ADCY10: variants seen among roughly 807,000 people sequenced by gnomAD.
ADCY10 encodes adenylate cyclase 10.
A neutral mutation model predicts 183.3 loss-of-function variants in ADCY10; 156 were observed. The ratio of observed to expected loss-of-function variants is 0.85; its 90% CI spans 0.75 to 0.97. The LOEUF (loss-of-function observed/expected upper bound fraction) is 0.97. Among genes scored for constraint, ADCY10 ranks in the 50% least tolerant of loss-of-function variants. ADCY10 has a pLI of 0.00. For synonymous variants in ADCY10, 645 were observed against 670.0 expected, an observed-to-expected ratio of 0.96 and a Z score of 0.58; for missense variants, 1,745 against 1,934.3, an observed-to-expected ratio of 0.90 and a Z score of 1.84.
intron 15 of ADCY10, 26 bp from the exon 16 acceptor site, chr1:167,859,919 G>C: frequency 1.3e-6 from 2 of 1,542,750 alleles, no homozygotes; most frequent in Admixed American, 1.7e-5. Context: ...TGAGAATATT[G>C]AGTATGGGAA....
intron 3 of ADCY10, among the ~76,000 whole-genome samples, chr1:167,902,796 C>G (rs2102428687): frequency 6.6e-6 from 1 of 152,340 alleles, no homozygotes; most frequent in East Asian, 1.9e-4. Flanking sequence ...AACAAGATGG[C>G]AGGCAGAGGT....
At chr1:167,911,551 T>C (rs1020018852) in intron 1 of ADCY10, among the ~76,000 whole-genome samples, 1 of 152,222 alleles carries the variant, frequency 6.6e-6, no homozygotes, top group Non-Finnish European at 1.5e-5. Flanking sequence ...AAGTTCTAAG[T>C]TGCTAGCCGA....
intron 14 of ADCY10, among the ~76,000 whole-genome samples, chr1:167,865,925 ACT>A (rs993955921): frequency 6.6e-6 from 1 of 151,318 alleles, no homozygotes; most frequent in African/African-American, 2.4e-5. Flanking sequence ...GTCATGCCAA[ACT>A]CTCTCTGCTA....
At chr1:167,896,794 T>A (rs1417297331) in intron 6 of ADCY10, 103 bp from the exon 7 acceptor site, 4 of 798,650 alleles carry the variant, frequency 5.0e-6, no homozygotes, top group Non-Finnish European at 8.8e-6. Flanking sequence ...GACTGAACAG[T>A]GATTGGCACA....
At chr1:167,865,675 C>G (rs1666624808) in intron 14 of ADCY10, among the ~76,000 whole-genome samples, 1 of 152,176 alleles carries the variant, frequency 6.6e-6, no homozygotes, top group African/African-American at 2.4e-5. Flanking sequence ...ACTAGAGGAT[C>G]ATAGAAGTTA....
chr1:167,828,980 T>A (rs1296766827), intron 26 of ADCY10, among the ~76,000 whole-genome samples: 1 of 151,994 alleles, frequency 6.6e-6, no homozygotes, highest in Non-Finnish European at 1.5e-5. Context: ...CCAGCAAAAA[T>A]AATAATAATA....
chr1:167,907,333 T>C (rs1326554828), intron 1 of ADCY10, among the ~76,000 whole-genome samples: 1 of 152,236 alleles, frequency 6.6e-6, no homozygotes, highest in Non-Finnish European at 1.5e-5. Flanking sequence ...GAAATCTCAA[T>C]GGCTTGAAAT....
chr1:167,884,971 C>T (rs957711652), intron 8 of ADCY10, among the ~76,000 whole-genome samples: 1 of 152,180 alleles, frequency 6.6e-6, no homozygotes, highest in African/African-American at 2.4e-5. Context: ...GCTGGGATTA[C>T]AGGCATGAGC....
At chr1:167,827,604 G>A (rs1663403815) in intron 26 of ADCY10, among the ~76,000 whole-genome samples, 2 of 152,120 alleles carry the variant, frequency 1.3e-5, no homozygotes, top group South Asian at 4.2e-4. Flanking sequence ...ACCTAGACTA[G>A]TGGTTCTCCC....
chr1:167,832,951 A>AC, intron 25 of ADCY10, 36 bp downstream of exon 25: 1 of 1,606,692 alleles, frequency 6.2e-7, no homozygotes, highest in Non-Finnish European at 8.5e-7. Flanking sequence ...GGGGAGTGAG[A>AC]CTAAACAGTC....
chr1:167,878,335 G>A (rs1174516414), intron 12 of ADCY10, 111 bp downstream of exon 12: 1 of 1,251,368 alleles, frequency 8.0e-7, no homozygotes, highest in Non-Finnish European at 1.2e-6. Flanking sequence ...GGAAAGCATA[G>A]ATTTCAACTT....
chr1:167,866,509 G>A (rs1405374950), intron 14 of ADCY10, among the ~76,000 whole-genome samples: 4 of 124,218 alleles, frequency 3.2e-5, no homozygotes, highest in Admixed American at 1.0e-4. Flanking sequence ...CTGACCTGAC[G>A]AAAGTGCACA....
At chr1:167,908,102 C>T (rs1395106319) in intron 1 of ADCY10, among the ~76,000 whole-genome samples, 1 of 152,208 alleles carries the variant, frequency 6.6e-6, no homozygotes, top group African/African-American at 2.4e-5. Context: ...CCTGCACTCC[C>T]ATGTTTATTT....
intron 14 of ADCY10, among the ~76,000 whole-genome samples, chr1:167,863,239 C>T (rs1193451626): frequency 6.6e-6 from 1 of 152,148 alleles, no homozygotes; most frequent in African/African-American, 2.4e-5. Context: ...AAAATTCGAC[C>T]CCTGACCTAG....
At chr1:167,817,564 C>T (rs548704239) in intron 31 of ADCY10, among the ~76,000 whole-genome samples, 14 of 152,240 alleles carry the variant, frequency 9.2e-5, no homozygotes, top group South Asian at 2.1e-4. Flanking sequence ...CTCACTCTTG[C>T]GCCCCAGCAC....
intron 17 of ADCY10, among the ~76,000 whole-genome samples, chr1:167,855,895 C>T (rs1285444390): frequency 6.6e-6 from 1 of 151,904 alleles, no homozygotes; most frequent in Non-Finnish European, 1.5e-5. Flanking sequence ...TTCTGGTACT[C>T]AGAAAGCTGA....
At position 167,824,729 on chromosome 1, in the gene ADCY10, C is replaced by T; in HGVS notation, c.3877G>A (p.Glu1293Lys). 1 of 1,614,232 alleles carries T rather than the reference C, an allele frequency of 6.2e-7. No individual in the cohort carries two copies. Among genetic ancestry groups the T allele is most frequent in the African/African-American group, 1.3e-5 (1 of 75,064 alleles). ...FNLPLKGEGI[E>K]IVAYVAETLV... ...GTCTCAGCCACGTATGCCACGATTT[C>T]AATGCCCTCGCCTTTCAGGGGGAGG... The change falls in exon 27 of 33, where the codon GAA becomes AAA. Residue 1293 changes from glutamate (E) to lysine (K), a missense_variant. Transcript: ENST00000367851.
chr1:167,897,614 C>A (rs374181397), intron 6 of ADCY10, among the ~76,000 whole-genome samples: 4,458 of 4,816 alleles, frequency 0.93, 2,229 homozygotes, highest in Middle Eastern at 1. Context: ...TGTGTGACAA[C>A]ATCGGCTGGC....
At chr1:167,817,266 G>A (rs776069803) in intron 31 of ADCY10, among the ~76,000 whole-genome samples, 1 of 152,216 alleles carries the variant, frequency 6.6e-6, no homozygotes. Flanking sequence ...TTGGGAGGCT[G>A]AGGTACGAGA....
Sources: gnomAD v4.1 joint callset for allele counts (sites outside exome capture counted in the v4.1 genomes callset) on GRCh38, gnomAD v4.1.1 for gene constraint, MANE v1.5 for transcripts, NCBI Gene and HGNC (gene_info 2026-07-23, HGNC 2026-07-21) for gene names.